The following NMT2 variants were observed in gnomAD, a reference collection of about 807,000 sequenced individuals.
NMT2 encodes glycylpeptide N-tetradecanoyltransferase 2.
In NMT2, 35 loss-of-function variants were observed where a neutral mutation model predicts 65.4. That is an observed-to-expected ratio of 0.54 (90% CI 0.41 to 0.71). The LOEUF is 0.71. Ranked by LOEUF, NMT2 falls within the 30% of genes least tolerant of loss-of-function variation. The probability of loss-of-function intolerance (pLI) is 0.00; values close to 1 mark genes in which losing one functional copy is unlikely to be tolerated. For missense variants in NMT2, 489 were observed against 611.3 expected (o/e 0.80, Z 2.11); for synonymous variants, 226 against 231.8 (o/e 0.98, Z 0.23).
At chr10:15,154,638 C>T (rs1832925656) in intron 1 of NMT2, among the ~76,000 whole-genome samples, 1 of 151,922 alleles carries the variant, frequency 6.6e-6, no homozygotes, top group Non-Finnish European at 1.5e-5. Context: ...CTCTGCAATC[C>T]AGCTAGGCAT....
At chr10:15,161,109 A>AAAAAAAAAAC in intron 1 of NMT2, among the ~76,000 whole-genome samples, 1 of 146,104 alleles carries the variant, frequency 6.8e-6, no homozygotes, top group Non-Finnish European at 1.5e-5. Context: ...AAAAAAAAAA[A>AAAAAAAAAAC]ACACAAAGAA....
At chr10:15,141,946 C>T (rs1846786676) in intron 1 of NMT2, among the ~76,000 whole-genome samples, 1 of 152,180 alleles carries the variant, frequency 6.6e-6, no homozygotes, top group African/African-American at 2.4e-5. Context: ...TACGACAGAA[C>T]ACTAATCTTG....
intron 8 of NMT2, among the ~76,000 whole-genome samples, chr10:15,127,885 G>A (rs1267424394): frequency 7.1e-6 from 1 of 141,022 alleles, no homozygotes; most frequent in African/African-American, 3.1e-5. Flanking sequence ...GGGCAACAGA[G>A]CAAGACTGTC....
At chr10:15,113,463 CAAAAAAAAAAAAAAAA>C (rs1169255963) in intron 9 of NMT2, among the ~76,000 whole-genome samples, 3 of 37,004 alleles carry the variant, frequency 8.1e-5, no homozygotes, top group Admixed American at 8.5e-4. Context: ...GGATGAGACT[CAAAAAAAAAAAAAAAA>C]AAAAAAAAAA....
In NMT2 at chr10:15,128,576, G is replaced by A. The variant is rs1846176039; in HGVS notation, c.891-118C>T. The A allele has an allele frequency of 2.5e-5, 16 of 650,382 alleles. 1 individual carries two copies. In the South Asian group the frequency reaches 2.8e-4, roughly 11 times the overall value. 40.3% of individuals were successfully genotyped at this position (650,382 alleles called of 1,614,324 possible). ...CTGAATACTTACGTTGTACTAGACAGAGGCCCTCATCCTATGTCATCATTT... is the reference window on the plus strand; with the variant it reads ...CTGAATACTTACGTTGTACTAGACAAAGGCCCTCATCCTATGTCATCATTT... On this transcript the variant is annotated intron_variant, in intron 7 of 11. Transcript: ENST00000378165.
At chr10:15,149,705 C>A (rs1199057526) in intron 1 of NMT2, among the ~76,000 whole-genome samples, 1 of 151,998 alleles carries the variant, frequency 6.6e-6, no homozygotes. Flanking sequence ...CTGTCACACT[C>A]GGAGGTAAGT....
chr10:15,108,020 CAT>C lies in NMT2; in HGVS notation c.*1173_*1174del. On this transcript the variant is annotated 3_prime_UTR_variant, in exon 12 of 12. Transcript: ENST00000378165. ...TGCAATTTTGCATAAGTAATAAAAA[CAT>C]TCAAACTATCAATGCCCTGATAGCA... is the stretch of plus-strand genomic sequence containing the variant. 1.0e-6 allele frequency: 1 copy of C among 985,748 alleles called. No individual in the cohort carries two copies. The highest frequency in any genetic ancestry group is 1.2e-6 in the Non-Finnish European group (1 of 829,920). The allele number at this position is 985,748 out of a possible 1,614,324, so 61.1% of individuals were successfully genotyped here.
chr10:15,121,309 T>G (rs1308605932), intron 8 of NMT2, among the ~76,000 whole-genome samples: 2 of 152,230 alleles, frequency 1.3e-5, no homozygotes, highest in African/African-American at 4.8e-5. Flanking sequence ...AGGAAAAACT[T>G]CCTGTAGAAT....
At chr10:15,138,334 A>C in intron 2 of NMT2, 1 of 470,916 alleles carries the variant, frequency 2.1e-6, no homozygotes, top group East Asian at 6.9e-5. Context: ...TTCTGAAAGT[A>C]GATTCAAATA....
At chr10:15,119,179 A>G (rs1192853078) in intron 9 of NMT2, among the ~76,000 whole-genome samples, 164 bp downstream of exon 9, 1 of 152,262 alleles carries the variant, frequency 6.6e-6, no homozygotes, top group African/African-American at 2.4e-5. Flanking sequence ...TGTCCTTGAT[A>G]GAGTATTCAG....
At chr10:15,167,439 G>C (rs922880510) in intron 1 of NMT2, among the ~76,000 whole-genome samples, 2 of 152,156 alleles carry the variant, frequency 1.3e-5, no homozygotes, top group African/African-American at 4.8e-5. Flanking sequence ...TACGAACTGA[G>C]TAAACCATCT....
chr10:15,118,758 C>G (rs75166713), intron 9 of NMT2, among the ~76,000 whole-genome samples: 5,069 of 152,156 alleles, frequency 0.033, 93 homozygotes, highest in Middle Eastern at 0.034. Flanking sequence ...CTGACCATAC[C>G]CACGTCTTGT....
chr10:15,130,136 TG>T lies in NMT2; in HGVS notation c.890+5del. On this transcript the variant is annotated splice_donor_5th_base_variant and intron_variant, in intron 7 of 11. Coordinates refer to ENST00000378165, the MANE Select transcript of NMT2 (RefSeq NM_004808.3). ...AGGACCTGAGGTAGAAATATGGTAC[TG>T]GTACCTGCATGTGGCTATGGGCTTA... is the stretch of plus-strand genomic sequence containing the variant. 1.3e-6 allele frequency: 2 copies of T among 1,494,640 alleles called. No homozygotes were observed. The highest frequency in any genetic ancestry group is 1.4e-5 in the South Asian group (1 of 69,664). 92.6% of individuals were successfully genotyped at this position (1,494,640 alleles called of 1,614,324 possible).
At chr10:15,156,609 T>C (rs1482821103) in intron 1 of NMT2, among the ~76,000 whole-genome samples, 2 of 152,168 alleles carry the variant, frequency 1.3e-5, no homozygotes, top group Non-Finnish European at 2.9e-5. Context: ...ATTAAAAATG[T>C]GGTTTCAGGC....
At chr10:15,123,705 T>C (rs73604531) in intron 8 of NMT2, among the ~76,000 whole-genome samples, 23,446 of 152,104 alleles carry the variant, frequency 0.15, 1,960 homozygotes, top group Middle Eastern at 0.23. Flanking sequence ...TTCAATAAAA[T>C]GCAGAGAATC....
chr10:15,116,785 G>GAAC (rs150043824), intron 9 of NMT2, among the ~76,000 whole-genome samples: 40,422 of 151,916 alleles, frequency 0.27, 6,463 homozygotes, highest in African/African-American at 0.45. Context: ...GGAATAAAAT[G>GAAC]AACATTAATT....
intron 10 of NMT2, among the ~76,000 whole-genome samples, chr10:15,112,198 ATATATATATATATATATATTT>A (rs1845557248): frequency 6.0e-5 from 1 of 16,804 alleles, no homozygotes; most frequent in East Asian, 1.4e-3. Context: ...ATATATATAT[ATATATATATATATATATATTT>A]TTTTTTTTTT....
intron 8 of NMT2, among the ~76,000 whole-genome samples, chr10:15,124,556 C>T (rs6602817): frequency 0.34 from 52,298 of 152,184 alleles, 11,184 homozygotes; most frequent in African/African-American, 0.61. Flanking sequence ...GGCACTCCTA[C>T]AAGCAAAAAG....
Position 15,130,302 on chromosome 10 carries a change from T to A in NMT2, c.730A>T (p.Met244Leu), listed in dbSNP as rs1217372717. ...ACACAAAGAAAGTTGATTTCTACCA[T>A]CTTCTTCACACTAAGAAATAAAGAT... ...NIRIYDSVKK[M>L]VEINFLCVHK... Residue 244 changes from methionine to leucine, a missense_variant, in exon 7 of 12, where the codon ATG becomes TTG. Coordinates refer to ENST00000378165, the MANE Select transcript of NMT2 (RefSeq NM_004808.3). 1.6e-5 allele frequency: 25 copies of A among 1,586,536 alleles called. No individual in the cohort carries two copies. Among genetic ancestry groups the A allele is most frequent in the Non-Finnish European group, 2.1e-5 (24 of 1,165,432 alleles).
Sources: gnomAD v4.1 joint callset for allele counts (sites outside exome capture counted in the v4.1 genomes callset) on GRCh38, gnomAD v4.1.1 for gene constraint, MANE v1.5 for transcripts, NCBI Gene and HGNC (gene_info 2026-07-23, HGNC 2026-07-21) for gene names.